The following PPP4R3B variants were observed in gnomAD, a reference collection of about 807,000 sequenced individuals.
PPP4R3B encodes serine/threonine-protein phosphatase 4 regulatory subunit 3B.
A neutral mutation model predicts 95.4 loss-of-function variants in PPP4R3B; 52 were observed. The observed-to-expected ratio is 0.54, with a 90% CI of 0.44 to 0.69. The LOEUF (loss-of-function observed/expected upper bound fraction) is 0.69. Among genes scored for constraint, PPP4R3B ranks in the 30% least tolerant of loss-of-function variants. The pLI, the probability that PPP4R3B is intolerant of heterozygous loss-of-function variation, is 0.00. For synonymous variants in PPP4R3B, 407 were observed against 343.9 expected (o/e 1.18, Z -2.03); for missense variants, 1,003 against 1,005.9 (o/e 1.00, Z 0.04).
chr2:55,579,538 A>T, intron 9 of PPP4R3B, 141 bp downstream of exon 9: 1 of 458,772 alleles, frequency 2.2e-6, no homozygotes, highest in Non-Finnish European at 3.7e-6. Context: ...CAAGAAAATC[A>T]TAATTTTATA....
intron 4 of PPP4R3B, among the ~76,000 whole-genome samples, chr2:55,590,162 C>T (rs782614): frequency 0.93 from 140,564 of 150,550 alleles, 66,187 homozygotes; most frequent in African/African-American, 0.98. Flanking sequence ...ACCCCGTCTC[C>T]ACTAAAAATA....
chr2:55,615,629 G>A, intron 1 of PPP4R3B, 123 bp from the exon 2 acceptor site: 1 of 595,608 alleles, frequency 1.7e-6, no homozygotes, highest in East Asian at 3.0e-5. Context: ...TGGGAGGCGG[G>A]CAGATCACGA....
chr2:55,576,818 C>T (rs536064623), intron 11 of PPP4R3B, among the ~76,000 whole-genome samples: 1 of 152,310 alleles, frequency 6.6e-6, no homozygotes, highest in African/African-American at 2.4e-5. Context: ...CTCTAAACAG[C>T]CTCCTTATTT....
intron 2 of PPP4R3B, among the ~76,000 whole-genome samples, chr2:55,612,972 A>C (rs1559062395): frequency 1.3e-5 from 2 of 151,724 alleles, no homozygotes; most frequent in African/African-American, 2.4e-5. Flanking sequence ...TTAGTCAAGC[A>C]TGGTGGCTCA....
chr2:55,555,581 T>TA (rs1685746443), intron 16 of PPP4R3B, among the ~76,000 whole-genome samples: 1 of 152,102 alleles, frequency 6.6e-6, no homozygotes, highest in Admixed American at 6.6e-5. Flanking sequence ...AGGCATGGTG[T>TA]CGCACACCTG....
At position 55,617,586 on chromosome 2, in the gene PPP4R3B, G is replaced by A. The variant is rs919115244; in HGVS notation, c.-301C>T. The A allele has an allele frequency of 6.9e-6, 2 of 290,412 alleles. No individual in the cohort carries two copies. The highest frequency in any genetic ancestry group is 1.3e-5 in the Non-Finnish European group (2 of 154,146). The allele number at this position is 290,412 out of a possible 1,614,324, so 18.0% of individuals were successfully genotyped here. The stretch of plus-strand genomic sequence containing the variant: ...CCGCCGCGGTAACTACTACAGATCC[G>A]CCATCTTGTAACCCGACTCTCTCTG... On this transcript the variant is annotated 5_prime_UTR_variant, in exon 1 of 17. Coordinates refer to ENST00000616407, the MANE Select transcript of PPP4R3B (RefSeq NM_001122964.3).
At chr2:55,564,195 G>T in intron 15 of PPP4R3B, 118 bp downstream of exon 15, 1 of 711,684 alleles carries the variant, frequency 1.4e-6, no homozygotes, top group Non-Finnish European at 2.1e-6. Flanking sequence ...AACACAGTTT[G>T]GTATAAAATT....
At chr2:55,583,676 T>G (rs573774814) in intron 7 of PPP4R3B, among the ~76,000 whole-genome samples, 1 of 152,222 alleles carries the variant, frequency 6.6e-6, no homozygotes, top group African/African-American at 2.4e-5. Flanking sequence ...AAATGATTAA[T>G]AAAGTAGGCA....
At chr2:55,552,263 G>A (rs1415616895) in intron 16 of PPP4R3B, among the ~76,000 whole-genome samples, 2 of 152,098 alleles carry the variant, frequency 1.3e-5, no homozygotes, top group African/African-American at 4.8e-5. Context: ...TATGTATCTA[G>A]AAATGTACTG....
chr2:55,578,293 A>G lies in PPP4R3B; in HGVS notation c.1518T>C (p.Pro506=). ...GGGTAGAATGGGAATGGGAATGTGA[A>G]GGGGTACATATGAAACTCCAACTAT... ...YRYSWSFICT[P]SHSHSHSTPS... The change falls in exon 10 of 17, where the codon CCT becomes CCC. Residue 506 remains proline (P), a synonymous_variant. Transcript: ENST00000616407. 6.8e-7 allele frequency: 1 copy of G among 1,479,924 alleles called. No homozygotes were observed. Among genetic ancestry groups the G allele is most frequent in the Non-Finnish European group, 9.0e-7 (1 of 1,114,296 alleles). The allele number at this position is 1,479,924 out of a possible 1,614,324, so 91.7% of individuals were successfully genotyped here.
chr2:55,566,796 T>C (rs746759800), intron 13 of PPP4R3B, among the ~76,000 whole-genome samples: 17 of 152,100 alleles, frequency 1.1e-4, no homozygotes, highest in Non-Finnish European at 2.2e-4. Flanking sequence ...TGGTTGAGCC[T>C]AGGCGTTTGA....
In PPP4R3B at chr2:55,598,567, G is replaced by C. The variant is rs200932028; in HGVS notation, c.770C>G (p.Ser257Cys). Residue 257 changes from serine (S) to cysteine (C), a missense_variant, in exon 4 of 17, where the codon TCT (serine) becomes TGT (cysteine). Ser to Cys is a moderately radical substitution (Grantham distance 112). Coordinates refer to ENST00000616407, the MANE Select transcript of PPP4R3B (RefSeq NM_001122964.3). ...KFKEVIPITD[S>C]ELRQKIHQTY... ...CTGATGTATTTTTTGCCTTAGTTCA[G>C]AGTCTGTTATTGGTATAACTTCCTT... is the stretch of plus-strand genomic sequence containing the variant. The C allele has an allele frequency of 6.2e-6, 10 of 1,614,066 alleles. No individual in the cohort carries two copies. Among genetic ancestry groups the C allele is most frequent in the Non-Finnish European group, 8.5e-6 (10 of 1,180,042 alleles).
At chr2:55,587,354 C>A (rs1039204916) in intron 5 of PPP4R3B, among the ~76,000 whole-genome samples, 1 of 152,192 alleles carries the variant, frequency 6.6e-6, no homozygotes, top group South Asian at 2.1e-4. Flanking sequence ...GAGGCTGAGG[C>A]AGGCGGATCA....
rs905948343 is a variant in PPP4R3B at position 55,585,282 on chromosome 2, T to C, written c.1117-115A>G. 3 of 636,806 alleles carry C rather than the reference T, an allele frequency of 4.7e-6. No homozygotes were observed. The Admixed American group carries it at 9.9e-5, about 21-fold the overall frequency. 39.4% of individuals were successfully genotyped at this position (636,806 alleles called of 1,614,324 possible). A position where few individuals can be genotyped will look rare whatever the true frequency, so the allele number is the denominator to read the frequency against. On this transcript the variant is annotated intron_variant, in intron 6 of 16. Transcript: ENST00000616407. ...CTCAACTTTTTGGATTAAGATGTTTTACTGCAATCAATGTGTATAACCTTG... is the reference window on the plus strand; with the variant it reads ...CTCAACTTTTTGGATTAAGATGTTTCACTGCAATCAATGTGTATAACCTTG...
At chr2:55,591,907 C>G (rs1203077152) in intron 4 of PPP4R3B, among the ~76,000 whole-genome samples, 1 of 152,202 alleles carries the variant, frequency 6.6e-6, no homozygotes, top group African/African-American at 2.4e-5. Context: ...TCCAAAATCT[C>G]TGGTTCTCCA....
chr2:55,615,362 T>C, intron 2 of PPP4R3B, 89 bp downstream of exon 2: 1 of 957,104 alleles, frequency 1.0e-6, no homozygotes, highest in Non-Finnish European at 1.6e-6. Context: ...TGTTTTTTTC[T>C]TGTCAGGAAA....
At chr2:55,613,906 A>T (rs1215741921) in intron 2 of PPP4R3B, among the ~76,000 whole-genome samples, 1 of 152,148 alleles carries the variant, frequency 6.6e-6, no homozygotes, top group Non-Finnish European at 1.5e-5. Flanking sequence ...CGGTATAAAG[A>T]CAGAGATTAA....
chr2:55,573,003 T>G (rs1409888800), intron 12 of PPP4R3B, among the ~76,000 whole-genome samples: 1 of 152,146 alleles, frequency 6.6e-6, no homozygotes. Context: ...TATACATGTG[T>G]GAATATGTTT....
At chr2:55,561,316 G>A (rs1686588324) in intron 15 of PPP4R3B, among the ~76,000 whole-genome samples, 1 of 152,170 alleles carries the variant, frequency 6.6e-6, no homozygotes, top group African/African-American at 2.4e-5. Flanking sequence ...GGATATCTAG[G>A]CAGAAATCTG....
Sources: gnomAD v4.1 joint callset for allele counts (sites outside exome capture counted in the v4.1 genomes callset) on GRCh38, gnomAD v4.1.1 for gene constraint, MANE v1.5 for transcripts, NCBI Gene and HGNC (gene_info 2026-07-23, HGNC 2026-07-21) for gene names.